The following RUNX2 variants were observed in gnomAD, a reference collection of about 807,000 sequenced individuals.
The protein encoded by RUNX2 is RUNX family transcription factor 2.
In RUNX2, 10 loss-of-function variants were observed where a neutral mutation model predicts 51.7. That is an observed-to-expected ratio of 0.19 (90% confidence interval 0.12 to 0.33). The LOEUF is 0.33. Among genes scored for constraint, RUNX2 ranks in the 10% least tolerant of loss-of-function variants. The pLI is 1.00. For missense variants in RUNX2, 562 were observed against 691.3 expected (o/e 0.81, Z 2.10); for synonymous variants, 276 against 273.6 (o/e 1.01, Z -0.09).
chr6:45,460,175 C>G (rs1799431455), intron 5 of RUNX2, among the ~76,000 whole-genome samples: 1 of 152,022 alleles, frequency 6.6e-6, no homozygotes, highest in Non-Finnish European at 1.5e-5. Context: ...AGAAGAGGGC[C>G]AAGGACAGAT....
At chr6:45,361,555 T>C (rs1355834517) in intron 2 of RUNX2, 1 of 152,200 alleles carries the variant, frequency 6.6e-6, no homozygotes, top group African/African-American at 2.4e-5. Context: ...CTGAAAAGAT[T>C]TCACTTTCAA....
At chr6:45,343,573 C>A (rs1283779412) in intron 2 of RUNX2, among the ~76,000 whole-genome samples, 1 of 150,120 alleles carries the variant, frequency 6.7e-6, no homozygotes, top group Non-Finnish European at 1.5e-5. Context: ...ATGTACATAA[C>A]TCTCTCTTGT....
At chr6:45,449,808 C>T (rs1799108451) in intron 5 of RUNX2, among the ~76,000 whole-genome samples, 1 of 152,014 alleles carries the variant, frequency 6.6e-6, no homozygotes, top group Non-Finnish European at 1.5e-5. Context: ...TATAACTTAA[C>T]CTCAATAGAA....
chr6:45,460,736 C>T (rs551215539), intron 5 of RUNX2, among the ~76,000 whole-genome samples: 4 of 150,904 alleles, frequency 2.7e-5, no homozygotes, highest in Non-Finnish European at 2.9e-5. Flanking sequence ...AGCCACTGCA[C>T]TCCAGCCTGG....
intron 7 of RUNX2, among the ~76,000 whole-genome samples, chr6:45,543,459 G>A (rs972209541): frequency 6.6e-6 from 1 of 152,196 alleles, no homozygotes; most frequent in African/African-American, 2.4e-5. Flanking sequence ...TATCCAGTAA[G>A]TTGTAGTCAT....
At chr6:45,404,259 C>CAAAAAAAAAAAAAAAAAAAAAAAA (rs34529128) in intron 2 of RUNX2, among the ~76,000 whole-genome samples, 2 of 27,698 alleles carry the variant, frequency 7.2e-5, no homozygotes, top group Non-Finnish European at 1.3e-4. Flanking sequence ...GACTCTGTCT[C>CAAAAAAAAAAAAAAAAAAAAAAAA]AAAAAAAAAA....
chr6:45,380,421 C>G (rs574071497), intron 2 of RUNX2, among the ~76,000 whole-genome samples: 6 of 152,270 alleles, frequency 3.9e-5, no homozygotes, highest in African/African-American at 1.4e-4. Flanking sequence ...GTAATATTCA[C>G]GTAGACTCAC....
intron 2 of RUNX2, among the ~76,000 whole-genome samples, chr6:45,391,355 C>T (rs1352556113): frequency 6.6e-6 from 1 of 152,284 alleles, no homozygotes; most frequent in Admixed American, 6.5e-5. Flanking sequence ...TTCCCACTCT[C>T]GCCCTGTGAT....
intron 2 of RUNX2, among the ~76,000 whole-genome samples, chr6:45,391,122 G>T (rs1266889750): frequency 6.6e-6 from 1 of 152,150 alleles, no homozygotes; most frequent in South Asian, 2.1e-4. Flanking sequence ...ATAGGTACAA[G>T]ATTCTATGTG....
intron 2 of RUNX2, among the ~76,000 whole-genome samples, chr6:45,397,052 G>A (rs1375734241): frequency 2.0e-5 from 3 of 151,702 alleles, no homozygotes; most frequent in Non-Finnish European, 2.9e-5. Context: ...TATTTCTCTT[G>A]GGGATAAACC....
rs1215754855 is a variant in RUNX2, at chr6:45,547,178, G to A, written c.1439G>A (p.Ser480Asn). The A allele has an allele frequency of 6.2e-7, 1 of 1,614,164 alleles. No homozygotes were observed. Among genetic ancestry groups the A allele is most frequent in the Admixed American group, 1.7e-5 (1 of 60,014 alleles). ...CCATGCACCACCACCTCGAATGGCAGCACGCTATTAAATCCAAATTTGCCT... is the reference window on the plus strand; with the variant it reads ...CCATGCACCACCACCTCGAATGGCAACACGCTATTAAATCCAAATTTGCCT... The part of the protein sequence containing the change: ...LPPCTTTSNG[S>N]TLLNPNLPNQ... The change falls in exon 9 of 9, where the codon AGC becomes AAC. Residue 480 changes from serine to asparagine, a missense_variant. Physicochemically the swap from Ser to Asn is conservative, Grantham distance 46. Coordinates refer to ENST00000647337, the MANE Select transcript of RUNX2 (RefSeq NM_001024630.4).
chr6:45,519,194 C>G (rs776244306), intron 7 of RUNX2, among the ~76,000 whole-genome samples: 2 of 152,036 alleles, frequency 1.3e-5, no homozygotes, highest in Non-Finnish European at 2.9e-5. Flanking sequence ...GAAATGCATG[C>G]GACATTATTA....
chr6:45,359,955 A>G (rs140372065), intron 2 of RUNX2, among the ~76,000 whole-genome samples: 2,669 of 152,284 alleles, frequency 0.018, 50 homozygotes, highest in South Asian at 0.085. Context: ...CAGGAGGATC[A>G]CCTGGTCCTT....
intron 7 of RUNX2, among the ~76,000 whole-genome samples, chr6:45,533,135 GGTGTGTGTGT>G (rs56014189): frequency 6.7e-6 from 1 of 149,466 alleles, no homozygotes; most frequent in East Asian, 2.0e-4. Context: ...CCTCTGAAGG[GGTGTGTGTGT>G]GTGTGTGTGT....
chr6:45,441,719 A>G (rs566687113), intron 5 of RUNX2, among the ~76,000 whole-genome samples: 2 of 152,224 alleles, frequency 1.3e-5, no homozygotes, highest in African/African-American at 2.4e-5. Flanking sequence ...AATGACACTA[A>G]TAAGTATTAT....
chr6:45,545,599 C>T (rs1159176745), intron 8 of RUNX2, among the ~76,000 whole-genome samples: 1 of 152,136 alleles, frequency 6.6e-6, no homozygotes, highest in Non-Finnish European at 1.5e-5. Context: ...CATTAAAGTC[C>T]TCAAGAATTG....
intron 2 of RUNX2, among the ~76,000 whole-genome samples, chr6:45,331,409 C>T (rs763054250): frequency 3.9e-5 from 6 of 151,914 alleles, no homozygotes; most frequent in Non-Finnish European, 7.4e-5. Context: ...AATTGTGGTC[C>T]ATATCAATAA....
At chr6:45,436,622 G>A (rs1157367780) in intron 4 of RUNX2, among the ~76,000 whole-genome samples, 1 of 151,984 alleles carries the variant, frequency 6.6e-6, no homozygotes, top group Non-Finnish European at 1.5e-5. Context: ...TTTATACTCA[G>A]TAACAAATGA....
At chr6:45,377,950 G>GGGGTACAAGATGGCGT (rs1424306725) in intron 2 of RUNX2, 4 of 152,600 alleles carry the variant, frequency 2.6e-5, no homozygotes, top group African/African-American at 9.7e-5. Flanking sequence ...GGCGATGGGG[G>GGGGTACAAGATGGCGT]GGGTACAAGA....
Sources: gnomAD v4.1 joint callset for allele counts (sites outside exome capture counted in the v4.1 genomes callset) on GRCh38, gnomAD v4.1.1 for gene constraint, MANE v1.5 for transcripts, NCBI Gene and HGNC (gene_info 2026-07-23, HGNC 2026-07-21) for gene names.